Variants in POLA1 observed in about 807,000 individuals in gnomAD.
POLA1 encodes DNA polymerase alpha 1, catalytic subunit.
A neutral mutation model predicts 124.0 loss-of-function variants in POLA1; 15 were observed. The ratio of observed to expected loss-of-function variants is 0.12; its 90% confidence interval spans 0.08 to 0.19. The LOEUF (loss-of-function observed/expected upper bound fraction) is 0.19. Ranked by LOEUF, POLA1 falls within the 10% of genes least tolerant of loss-of-function variation. The pLI is 1.00. For missense variants in POLA1, 886 were observed against 1,103.4 expected (o/e 0.80, Z 2.79); for synonymous variants, 408 against 389.4 (o/e 1.05, Z -0.56).
chrX:24,730,161 TTTAA>T lies in POLA1; in HGVS notation c.1687-2205_1687-2202del, dbSNP rs200525398. Among the ~76,000 whole-genome samples the T allele has an allele frequency of 2.6e-4, 29 of 111,891 alleles. 1 individual carries two copies. In the East Asian group the frequency reaches 7.0e-3, roughly 27 times the overall value. ...TTCATAGTTAAGTGTTTGGGAGAAGTTTAATTAGTAGTTAAAATTTTAAGAAAGT... is the reference window on the plus strand; with the variant it reads ...TTCATAGTTAAGTGTTTGGGAGAAGTTTAGTAGTTAAAATTTTAAGAAAGT... On this transcript the variant is annotated intron_variant, in intron 15 of 36. Coordinates refer to ENST00000379068, the MANE Select transcript of POLA1 (RefSeq NM_001330360.2).
rs66782103 is a variant in POLA1 at position 24,757,436 on chromosome X, C to CTTTTTTTTTTTTTTTTTTTTT, written c.2964+8445_2964+8465dup. On this transcript the variant is annotated intron_variant, in intron 26 of 36. Transcript: ENST00000379068. Reference sequence around the variant, plus strand: ...ATCTGAAATGCTCCAAAATCTGAAACTTTTTTTTTTTTTTTTTTTTTGAGA... The same window carrying CTTTTTTTTTTTTTTTTTTTTT: ...ATCTGAAATGCTCCAAAATCTGAAACTTTTTTTTTTTTTTTTTTTTTTTTTTTTTTTTTTTTTTTTTTGAGA... Among the ~76,000 whole-genome samples, 45 of 62,138 alleles carry CTTTTTTTTTTTTTTTTTTTTT rather than the reference C, an allele frequency of 7.2e-4. 8 individuals are homozygous for CTTTTTTTTTTTTTTTTTTTTT. Among genetic ancestry groups the CTTTTTTTTTTTTTTTTTTTTT allele is most frequent in the African/African-American group, 3.4e-3 (42 of 12,224 alleles). 54.0% of individuals were successfully genotyped at this position (62,138 alleles called of 115,157 possible).
At chrX:24,959,241 G>A (rs1043844273) in intron 36 of POLA1, among the ~76,000 whole-genome samples, 4 of 111,406 alleles carry the variant, frequency 3.6e-5, no homozygotes, top group Admixed American at 9.5e-5. Flanking sequence ...CACAGTGGGC[G>A]GATCACGAGG....
At position 24,825,054 on chromosome X, in the gene POLA1, C is replaced by A. The variant is rs11573421; in HGVS notation, c.3562-1373C>A. Among the ~76,000 whole-genome samples, 156 of 111,794 alleles carry A rather than the reference C, an allele frequency of 1.4e-3. 2 individuals are homozygous for A. In the East Asian group the frequency reaches 0.041, roughly 29 times the overall value. ...TTTTATGTGTTTGGTAAAAGGCAGT[C>A]TAAATACAATTGAGTTGTGTGAAAA... On this transcript the variant is annotated intron_variant, in intron 31 of 36. Transcript: ENST00000379068.
At chrX:24,888,518 C>T (rs1427878669) in intron 35 of POLA1, among the ~76,000 whole-genome samples, 1 of 109,785 alleles carries the variant, frequency 9.1e-6, no homozygotes, top group Non-Finnish European at 1.9e-5. Context: ...GGTTTTTGGT[C>T]CCCTCTGCTG....
At chrX:24,893,275 A>G (rs1184778324) in intron 35 of POLA1, among the ~76,000 whole-genome samples, 1 of 112,247 alleles carries the variant, frequency 8.9e-6, no homozygotes, top group African/African-American at 3.2e-5. Context: ...TTTACCATGA[A>G]GGGTCTTTTG....
At chrX:24,927,492 G>A (rs996265050) in intron 35 of POLA1, among the ~76,000 whole-genome samples, 3 of 111,350 alleles carry the variant, frequency 2.7e-5, no homozygotes, top group African/African-American at 9.8e-5. Flanking sequence ...GAGTGCACCC[G>A]TGGCCCACCC....
intron 6 of POLA1, 21 bp from the exon 7 acceptor site, chrX:24,716,341 A>G: frequency 1.1e-6 from 1 of 881,453 alleles, no homozygotes; most frequent in Non-Finnish European, 1.7e-6. Context: ...GGCAGTGAAT[A>G]TGTCTTACCT....
intron 30 of POLA1, among the ~76,000 whole-genome samples, chrX:24,817,616 A>G (rs915876993): frequency 9.2e-6 from 1 of 108,945 alleles, no homozygotes. Flanking sequence ...TCAAAAAAAA[A>G]AAAAAAAAAA....
At chrX:24,953,201 G>T (rs1166760363) in intron 36 of POLA1, among the ~76,000 whole-genome samples, 1 of 112,017 alleles carries the variant, frequency 8.9e-6, no homozygotes, top group Non-Finnish European at 1.9e-5. Flanking sequence ...CCCTTCCTCA[G>T]TGTCAGACAT....
intron 36 of POLA1, among the ~76,000 whole-genome samples, chrX:24,980,809 AT>A (rs1421372385): frequency 9.0e-6 from 1 of 111,250 alleles, no homozygotes; most frequent in East Asian, 2.8e-4. Flanking sequence ...GCTTTAAATA[AT>A]TTTTTTCTCC....
intron 34 of POLA1, among the ~76,000 whole-genome samples, chrX:24,845,901 CTGAGAAAGGAAGGTATCTTCA>C: frequency 8.9e-6 from 1 of 111,789 alleles, no homozygotes; most frequent in Non-Finnish European, 1.9e-5. Context: ...TCAACCTGCA[CTGAGAAAGGAAGGTATCTTCA>C]TGAGAAAGGG....
At chrX:24,912,091 G>A (rs1164297922) in intron 35 of POLA1, among the ~76,000 whole-genome samples, 1 of 112,185 alleles carries the variant, frequency 8.9e-6, no homozygotes, top group Non-Finnish European at 1.9e-5. Flanking sequence ...TTTATTTTTA[G>A]CAAACATGCA....
intron 2 of POLA1, 145 bp downstream of exon 2, chrX:24,699,694 G>A (rs777857923): frequency 2.5e-6 from 1 of 392,272 alleles, no homozygotes; most frequent in East Asian, 4.3e-5. Context: ...TATTGGACAA[G>A]CATGGGTATG....
rs1011239359 is a variant in POLA1, at chrX:24,826,399, C to T, written c.3562-28C>T. ...CAACTTTACCTGTGTCTTCTTTTTACGTGTCTTTTTATCATATCTTCTTTT... is the reference window on the plus strand; with the variant it reads ...CAACTTTACCTGTGTCTTCTTTTTATGTGTCTTTTTATCATATCTTCTTTT... On this transcript the variant is annotated intron_variant, in intron 31 of 36. Transcript: ENST00000379068. 1.1e-5 allele frequency: 12 copies of T among 1,116,479 alleles called. No individual in the cohort carries two copies. In the East Asian group the frequency reaches 1.3e-4, roughly 12 times the overall value. The allele number at this position is 1,116,479 out of a possible 1,213,427, so 92.0% of individuals were successfully genotyped here.
In POLA1 at chrX:24,743,224, T is replaced by C. The variant is rs1188868432; in HGVS notation, c.2467-6T>C. ...CTGGTGAAGTTATCTTTCCATTTGATATTAGGGAGATGAAGATGAAGAAAT... is the reference window on the plus strand; with the variant it reads ...CTGGTGAAGTTATCTTTCCATTTGACATTAGGGAGATGAAGATGAAGAAAT... On this transcript the variant is annotated splice_polypyrimidine_tract_variant and splice_region_variant and intron_variant, in intron 22 of 36. Coordinates refer to ENST00000379068, the MANE Select transcript of POLA1 (RefSeq NM_001330360.2). The C allele has an allele frequency of 1.1e-6, 1 of 937,896 alleles. No homozygotes were observed. Among genetic ancestry groups the C allele is most frequent in the South Asian group, 2.1e-5 (1 of 47,108 alleles). 77.3% of individuals were successfully genotyped at this position (937,896 alleles called of 1,213,427 possible). A position where few individuals can be genotyped will look rare whatever the true frequency, so the allele number is the denominator to read the frequency against.
At chrX:24,862,534 A>G (rs1350560888) in intron 34 of POLA1, among the ~76,000 whole-genome samples, 1 of 111,634 alleles carries the variant, frequency 9.0e-6, no homozygotes, top group African/African-American at 3.3e-5. Flanking sequence ...TGACTTAAAT[A>G]ATAAACTTAC....
intron 35 of POLA1, among the ~76,000 whole-genome samples, chrX:24,888,600 G>GT (rs869301308): frequency 0.016 from 808 of 49,145 alleles, 89 homozygotes; most frequent in African/African-American, 0.037. Context: ...TTGTTTGCTT[G>GT]TTTTTTTTTT....
chrX:24,782,116 T>C (rs753058167), intron 26 of POLA1, among the ~76,000 whole-genome samples: 15 of 111,869 alleles, frequency 1.3e-4, no homozygotes, highest in African/African-American at 4.5e-4. Context: ...CTAATGCCAA[T>C]TTGTTCATCT....
chrX:24,846,382 ACT>A (rs772041922), intron 34 of POLA1, among the ~76,000 whole-genome samples: 1 of 111,566 alleles, frequency 9.0e-6, no homozygotes, highest in African/African-American at 3.2e-5. Flanking sequence ...GAAGAAGATA[ACT>A]CTGTGCTTTG....
Sources: allele counts gnomAD v4.1 joint callset (sites outside exome capture counted in the v4.1 genomes callset), GRCh38; gene constraint gnomAD v4.1.1; transcripts MANE v1.5; gene names NCBI Gene and HGNC (gene_info 2026-07-23, HGNC 2026-07-21).